ZNF385C: variants seen among roughly 807,000 people sequenced by gnomAD.
The protein encoded by ZNF385C is CTD-2132N18.2.
A neutral mutation model predicts 35.4 loss-of-function variants in ZNF385C; 28 were observed. The ratio of observed to expected loss-of-function variants is 0.79; its 90% confidence interval spans 0.59 to 1.08. The LOEUF (loss-of-function observed/expected upper bound fraction) is 1.08. Ranked by LOEUF, ZNF385C falls within the 50% of genes least tolerant of loss-of-function variation. ZNF385C has a pLI of 0.00. For synonymous variants in ZNF385C, 248 were observed against 248.2 expected (o/e 1.00, Z 0.01); for missense variants, 605 against 595.6 (o/e 1.02, Z -0.16).
At position 42,050,324 on chromosome 17, in the gene ZNF385C, G is replaced by C. The variant is rs566549371; in HGVS notation, c.251-12439C>G. The stretch of plus-strand genomic sequence containing the variant: ...TCCAGCACTCAGCAGACAGGGCCGG[G>C]CGCCCCCTGCTCTGACAGCCCTGGT... On this transcript the variant is annotated intron_variant, in intron 2 of 8. Transcript: ENST00000692273. This position sits in a 1 kb window ranked among gnomAD's most constrained non-coding sequence, Gnocchi z 5.6. Among the ~76,000 whole-genome samples, 1 of 152,308 alleles carries C rather than the reference G, an allele frequency of 6.6e-6. No individual in the cohort carries two copies. The highest frequency in any genetic ancestry group is 1.9e-4 in the East Asian group (1 of 5,176).
intron 1 of ZNF385C, among the ~76,000 whole-genome samples, chr17:42,091,391 AGCTGTTATC>A (rs2053862313): frequency 6.6e-6 from 1 of 152,124 alleles, no homozygotes; most frequent in African/African-American, 2.4e-5. Context: ...GGCTGCGGTG[AGCTGTTATC>A]GCACCACTGT....
Position 42,034,326 on chromosome 17 carries a change from C to G in ZNF385C, c.409G>C (p.Val137Leu), listed in dbSNP as rs1386085602. 1 of 1,550,386 alleles carries G rather than the reference C, an allele frequency of 6.5e-7. No homozygotes were observed. The highest frequency in any genetic ancestry group is 2.4e-5 in the East Asian group (1 of 40,920). The change falls in exon 4 of 9, where the codon GTC becomes CTC. Residue 137 changes from valine to leucine, a missense_variant. Physicochemically the swap from Val to Leu is conservative, Grantham distance 32. Coordinates refer to ENST00000692273, the MANE Select transcript of ZNF385C (RefSeq NM_001392013.1). Reference protein sequence around the residue: ...LFPNFSTMDPVQKAVISHTFG... With the variant: ...LFPNFSTMDPLQKAVISHTFG... ...GTGTGGCTGATGACAGCTTTCTGGA[C>G]CGGGTCCATCTGTGAAGGGAGTGGG...
At chr17:42,056,322 C>G (rs868914322) in intron 2 of ZNF385C, among the ~76,000 whole-genome samples, 2 of 152,332 alleles carry the variant, frequency 1.3e-5, no homozygotes, top group Middle Eastern at 6.8e-3. Flanking sequence ...GCCATGGGTC[C>G]CGAGCATTTG....
chr17:42,066,152 C>T (rs551100360), intron 1 of ZNF385C, among the ~76,000 whole-genome samples: 20 of 152,178 alleles, frequency 1.3e-4, no homozygotes, highest in African/African-American at 4.3e-4. Context: ...CTCTGCCTCC[C>T]GGGTGCAAGT....
intron 2 of ZNF385C, chr17:42,038,850 C>G (rs1453901693): frequency 1.3e-5 from 2 of 152,234 alleles, no homozygotes; most frequent in Non-Finnish European, 2.9e-5. Flanking sequence ...CCTTGAACCA[C>G]CAGCTTGTGT....
At chr17:42,066,755 C>T (rs1281195573) in intron 1 of ZNF385C, among the ~76,000 whole-genome samples, 1 of 152,164 alleles carries the variant, frequency 6.6e-6, no homozygotes, top group Non-Finnish European at 1.5e-5. Flanking sequence ...ATCCAATATA[C>T]ATGACTGGTG....
At chr17:42,069,691 T>TGGCTGGCC in intron 1 of ZNF385C, among the ~76,000 whole-genome samples, 1 of 152,352 alleles carries the variant, frequency 6.6e-6, no homozygotes, top group South Asian at 2.1e-4. Flanking sequence ...CAGGCCAGGC[T>TGGCTGGCC]GGCTGGCCGG....
chr17:42,029,999 G>T (rs527243252), intron 5 of ZNF385C, among the ~76,000 whole-genome samples: 1 of 151,984 alleles, frequency 6.6e-6, no homozygotes, highest in Admixed American at 6.6e-5. Context: ...CTGCACTCCA[G>T]CCTGGGTGAC....
intron 7 of ZNF385C, 48 bp downstream of exon 7, chr17:42,028,002 A>AACCCCC: frequency 1.1e-6 from 1 of 927,314 alleles, no homozygotes; most frequent in Non-Finnish European, 1.6e-6. Flanking sequence ...CCTGCCCCCC[A>AACCCCC]ACCCCCTCCC....
intron 1 of ZNF385C, among the ~76,000 whole-genome samples, chr17:42,085,760 G>A (rs782776805): frequency 1.1e-4 from 16 of 151,976 alleles, no homozygotes; most frequent in Non-Finnish European, 2.1e-4. Flanking sequence ...TCTGCGCCTG[G>A]CTAATTTTTT....
intron 5 of ZNF385C, among the ~76,000 whole-genome samples, chr17:42,030,507 CAAAA>C (rs371549491): frequency 6.6e-6 from 1 of 151,386 alleles, no homozygotes; most frequent in Non-Finnish European, 1.5e-5. Context: ...ACAAACAAAA[CAAAA>C]AAAACCCACA....
At chr17:42,072,324 C>T (rs2053636984) in intron 1 of ZNF385C, among the ~76,000 whole-genome samples, 1 of 152,154 alleles carries the variant, frequency 6.6e-6, no homozygotes, top group Admixed American at 6.5e-5. Context: ...CTAATGGGAG[C>T]TGGAAGTCCT....
At chr17:42,040,754 G>C (rs1356669801) in intron 2 of ZNF385C, 1 of 1,232,396 alleles carries the variant, frequency 8.1e-7, no homozygotes, top group Non-Finnish European at 1.0e-6. Flanking sequence ...TGGGAACTAG[G>C]GCCACCATGG....
chr17:42,031,572 C>G, intron 5 of ZNF385C, 47 bp downstream of exon 5: 1 of 1,517,300 alleles, frequency 6.6e-7, no homozygotes, highest in Non-Finnish European at 8.9e-7. Context: ...TTGTCGGAAA[C>G]CAGATTTGGA....
chr17:42,038,342 C>G, intron 2 of ZNF385C: 1 of 401,450 alleles, frequency 2.5e-6, no homozygotes. Context: ...CCCTCCAGAT[C>G]CCCAGGATTT....
At chr17:42,083,264 G>A (rs1391807144) in intron 1 of ZNF385C, among the ~76,000 whole-genome samples, 3 of 150,388 alleles carry the variant, frequency 2.0e-5, no homozygotes, top group African/African-American at 7.3e-5. Flanking sequence ...GTGCAGTGGC[G>A]TGATCCCAGC....
At position 42,027,098 on chromosome 17, in the gene ZNF385C, C is replaced by G. The variant is rs782598972; in HGVS notation, c.1311G>C (p.Thr437=). 1 of 1,613,028 alleles carries G rather than the reference C, an allele frequency of 6.2e-7. No homozygotes were observed. The highest frequency in any genetic ancestry group is 2.2e-5 in the East Asian group (1 of 44,874). Residue 437 remains threonine, a synonymous_variant, in exon 9 of 9, where the codon ACG becomes ACC. Transcript: ENST00000692273. The stretch of plus-strand genomic sequence containing the variant: ...GGCTGGGCAGGAAGCGGGCTGCCAA[C>G]GTCTTGGTGAGTTGCTTCTGCAAGG... The part of the protein sequence containing the change: ...KLALQKQLTK[T]LAARFLPSPL...
intron 1 of ZNF385C, among the ~76,000 whole-genome samples, chr17:42,063,684 G>A (rs1409390326): frequency 1.3e-5 from 2 of 152,212 alleles, no homozygotes; most frequent in Non-Finnish European, 2.9e-5. Context: ...TGGGGTCTTG[G>A]AGGAAAGGTG....
chr17:42,077,608 A>G (rs2053698621), intron 1 of ZNF385C, among the ~76,000 whole-genome samples: 1 of 152,166 alleles, frequency 6.6e-6, no homozygotes, highest in African/African-American at 2.4e-5. Flanking sequence ...TAATAACACT[A>G]AGGGCCCCAG....
Sources: gnomAD v4.1 joint callset for allele counts (sites outside exome capture counted in the v4.1 genomes callset) on GRCh38, gnomAD v4.1.1 for gene constraint, Gnocchi (gnomAD v3.1) non-coding constraint, MANE v1.5 for transcripts, NCBI Gene and HGNC (gene_info 2026-07-23, HGNC 2026-07-21) for gene names.